Variants in C4orf50 observed in about 807,000 individuals in gnomAD.
C4orf50 encodes chromosome 4 open reading frame 50.
C4orf50 carries 80 observed loss-of-function variants against 77.2 expected under a neutral mutation model. That is an observed-to-expected ratio of 1.04 (90% confidence interval 0.87 to 1.25). C4orf50 has a LOEUF of 1.25. Among genes scored for constraint, C4orf50 ranks in the 50% most tolerant of loss-of-function variants. The probability of loss-of-function intolerance (pLI) is 0.00; values close to 1 mark genes in which losing one functional copy is unlikely to be tolerated. For synonymous variants in C4orf50, 532 were observed against 465.3 expected (o/e 1.14, Z -1.84); for missense variants, 1,257 against 1,152.9 (o/e 1.09, Z -1.31).
chr4:5,991,558 C>T (rs1157096515), intron 27 of C4orf50, among the ~76,000 whole-genome samples: 2 of 152,234 alleles, frequency 1.3e-5, no homozygotes, highest in Non-Finnish European at 2.9e-5. Flanking sequence ...GCCCAGCTCA[C>T]AGCAGAGGCC....
intron 25 of C4orf50, among the ~76,000 whole-genome samples, chr4:5,999,468 C>A (rs932079188): frequency 6.6e-6 from 1 of 152,192 alleles, no homozygotes; most frequent in Non-Finnish European, 1.5e-5. Flanking sequence ...ATCTGTGGTA[C>A]ACATCTCTGG....
chr4:5,943,472 G>T (rs1304353736), intron 7 of C4orf50, among the ~76,000 whole-genome samples: 1 of 152,192 alleles, frequency 6.6e-6, no homozygotes, highest in Non-Finnish European at 1.5e-5. Context: ...GGAGCTGGGG[G>T]ATCAGAGGAA....
chr4:5,981,682 G>A (rs922763145), intron 28 of C4orf50, among the ~76,000 whole-genome samples: 5 of 152,112 alleles, frequency 3.3e-5, no homozygotes, highest in Admixed American at 3.3e-4. Flanking sequence ...GAGGTTACAG[G>A]CATGAGCCAC....
intron 7 of C4orf50, among the ~76,000 whole-genome samples, chr4:5,940,234 CT>C (rs577378536): frequency 1.3e-3 from 201 of 152,330 alleles, no homozygotes; most frequent in Non-Finnish European, 2.2e-3. Context: ...GGCTGCAATC[CT>C]TTATGGGAAA....
At chr4:5,910,882 G>A (rs886785982) in intron 7 of C4orf50, among the ~76,000 whole-genome samples, 2 of 150,300 alleles carry the variant, frequency 1.3e-5, no homozygotes, top group African/African-American at 4.9e-5. Flanking sequence ...TTTCATCAGA[G>A]CCAATGGGTT....
At chr4:5,994,506 G>A (rs781105506) in intron 25 of C4orf50, 30 bp from the exon 4 acceptor site, 16 of 399,238 alleles carry the variant, frequency 4.0e-5, no homozygotes, top group South Asian at 1.3e-4. Flanking sequence ...GTCAGGAGCC[G>A]TCAGTGTCCT....
chr4:5,975,512 T>A (rs1720223904), intron 30 of C4orf50, among the ~76,000 whole-genome samples: 1 of 151,866 alleles, frequency 6.6e-6, no homozygotes, highest in Non-Finnish European at 1.5e-5. Context: ...TTTGTTTTGT[T>A]TTGTTTTGTT....
chr4:6,001,050 G>A (rs1301817902), intron 25 of C4orf50, among the ~76,000 whole-genome samples: 1 of 152,144 alleles, frequency 6.6e-6, no homozygotes. Flanking sequence ...CACACACACA[G>A]CCAAAGCAAG....
chr4:5,914,247 C>T (rs1304619397), intron 7 of C4orf50, among the ~76,000 whole-genome samples: 1 of 147,934 alleles, frequency 6.8e-6, no homozygotes, highest in African/African-American at 2.5e-5. Flanking sequence ...CTCTGTCGCC[C>T]AGGCTGGAGG....
At chr4:5,988,001 C>T (rs868736523) in intron 28 of C4orf50, among the ~76,000 whole-genome samples, 1 of 152,158 alleles carries the variant, frequency 6.6e-6, no homozygotes, top group African/African-American at 2.4e-5. Context: ...ACTTGAAAAA[C>T]CCCAGGGTTG....
chr4:6,014,400 T>C (rs79580959), intron 23 of C4orf50, among the ~76,000 whole-genome samples: 4,866 of 152,316 alleles, frequency 0.032, 97 homozygotes, highest in African/African-American at 0.049. Flanking sequence ...CTGTTATTAA[T>C]TTTACTGCAT....
intron 29 of C4orf50, among the ~76,000 whole-genome samples, chr4:5,979,466 A>G (rs773799493): frequency 6.6e-6 from 1 of 152,256 alleles, no homozygotes; most frequent in Admixed American, 6.5e-5. Context: ...ATAATTTCAA[A>G]CATGTACACA....
chr4:5,968,900 G>T (rs1444217053), intron 31 of C4orf50, among the ~76,000 whole-genome samples: 1 of 152,076 alleles, frequency 6.6e-6, no homozygotes, highest in Non-Finnish European at 1.5e-5. Flanking sequence ...TATGTGGTTG[G>T]GGTGCAAGGA....
chr4:5,926,645 T>A (rs1717527883), intron 7 of C4orf50, among the ~76,000 whole-genome samples: 1 of 152,116 alleles, frequency 6.6e-6, no homozygotes, highest in South Asian at 2.1e-4. Flanking sequence ...AAAGGGCAGA[T>A]GACCCAGCAC....
At chr4:5,983,829 G>A (rs1720726617) in intron 28 of C4orf50, among the ~76,000 whole-genome samples, 1 of 152,206 alleles carries the variant, frequency 6.6e-6, no homozygotes, top group African/African-American at 2.4e-5. Flanking sequence ...AAAGTAACAG[G>A]GAAGAGATAG....
intron 7 of C4orf50, among the ~76,000 whole-genome samples, chr4:5,938,800 T>G (rs57474711): frequency 6.7e-6 from 1 of 149,856 alleles, no homozygotes; most frequent in African/African-American, 2.5e-5. Flanking sequence ...CTTTTCTTTT[T>G]TTTTTTTATC....
At chr4:5,898,471 T>C (rs1227428475) in intron 7 of C4orf50, 1 of 152,192 alleles carries the variant, frequency 6.6e-6, no homozygotes, top group African/African-American at 2.4e-5. Flanking sequence ...TGGAGGACTT[T>C]GAGGTTAAGA....
intron 7 of C4orf50, among the ~76,000 whole-genome samples, chr4:5,943,244 A>G (rs1409780796): frequency 6.6e-6 from 1 of 152,236 alleles, no homozygotes; most frequent in African/African-American, 2.4e-5. Context: ...AAGTGATCAC[A>G]TCTTTTCTAA....
chr4:5,951,393 G>A (rs1205863628), intron 7 of C4orf50, among the ~76,000 whole-genome samples: 2 of 152,138 alleles, frequency 1.3e-5, no homozygotes, highest in Non-Finnish European at 2.9e-5. Flanking sequence ...ATGAGAAACT[G>A]AGGCTCAGAG....
Sources: gnomAD v4.1 joint callset for allele counts (sites outside exome capture counted in the v4.1 genomes callset) on GRCh38, gnomAD v4.1.1 for gene constraint, MANE v1.5 for transcripts, NCBI Gene and HGNC (gene_info 2026-07-23, HGNC 2026-07-21) for gene names.